Variants in IARS2 observed in about 807,000 individuals in gnomAD.
IARS2 encodes isoleucyl-tRNA synthetase 2, mitochondrial.
In IARS2, 56 loss-of-function variants were observed where a neutral mutation model predicts 126.3. The ratio of observed to expected loss-of-function variants is 0.44; its 90% CI spans 0.36 to 0.55. The LOEUF is 0.55. IARS2 is among the 20% of genes least tolerant of loss of function. The pLI is 0.00. For synonymous variants in IARS2, 407 were observed against 441.1 expected (o/e 0.92, Z 0.97); for missense variants, 1,127 against 1,245.9 (o/e 0.90, Z 1.44).
intron 19 of IARS2, among the ~76,000 whole-genome samples, chr1:220,141,130 G>A (rs1359371721): frequency 6.6e-6 from 1 of 152,012 alleles, no homozygotes; most frequent in Admixed American, 6.6e-5. Context: ...TACTTACCTC[G>A]TGATTGAGAA....
chr1:220,103,626 C>T, intron 8 of IARS2, 64 bp downstream of exon 8: 2 of 953,854 alleles, frequency 2.1e-6, no homozygotes, highest in Non-Finnish European at 3.4e-6. Context: ...GAATTTACTA[C>T]TTTGCTGAAC....
At chr1:220,098,743 T>C (rs1379626442) in intron 2 of IARS2, among the ~76,000 whole-genome samples, 1 of 152,166 alleles carries the variant, frequency 6.6e-6, no homozygotes, top group East Asian at 1.9e-4. Flanking sequence ...TGTTTGATAC[T>C]GAGGAGTTAG....
intron 8 of IARS2, among the ~76,000 whole-genome samples, chr1:220,104,488 A>T (rs1016157256): frequency 1.3e-5 from 2 of 152,040 alleles, no homozygotes; most frequent in South Asian, 4.1e-4. Context: ...GGCTCAAGTG[A>T]TCTTCCTGCC....
At chr1:220,120,374 G>C (rs963927472) in intron 12 of IARS2, among the ~76,000 whole-genome samples, 1 of 148,300 alleles carries the variant, frequency 6.7e-6, no homozygotes, top group Non-Finnish European at 1.5e-5. Context: ...GAACCACCGC[G>C]CCCGGCCTTT....
At chr1:220,118,555 T>C (rs1656974584) in intron 12 of IARS2, among the ~76,000 whole-genome samples, 1 of 152,112 alleles carries the variant, frequency 6.6e-6, no homozygotes, top group Admixed American at 6.6e-5. Context: ...GAAGAAATAA[T>C]TTTTAGCATA....
chr1:220,103,585 C>A, intron 8 of IARS2, 23 bp downstream of exon 8: 1 of 1,402,414 alleles, frequency 7.1e-7, no homozygotes, highest in Non-Finnish European at 1.0e-6. Flanking sequence ...AGATATCTGA[C>A]AACATAGTCA....
At chr1:220,106,652 G>T (rs1346785816) in intron 9 of IARS2, among the ~76,000 whole-genome samples, 3 of 148,342 alleles carry the variant, frequency 2.0e-5, no homozygotes, top group Non-Finnish European at 4.5e-5. Flanking sequence ...TTTTGAGAGG[G>T]AGTCTTGCTC....
chr1:220,105,947 C>T lies in IARS2; in HGVS notation c.1123C>T (p.Pro375Ser), dbSNP rs762652814. Residue 375 changes from proline (P) to serine (S), a missense_variant, in exon 9 of 23, where the codon CCT (proline) becomes TCT (serine). Coordinates refer to ENST00000366922, the MANE Select transcript of IARS2 (RefSeq NM_018060.4). ...TCCATTAATTCCTGATAAAGCCTCTCCTCTTTTACCTGCAAATCATGTGAC... is the reference window on the plus strand; with the variant it reads ...TCCATTAATTCCTGATAAAGCCTCTTCTCTTTTACCTGCAAATCATGTGAC... ...SHPLIPDKASPLLPANHVTMA... is the reference protein window; with the variant it reads ...SHPLIPDKASSLLPANHVTMA... The T allele has an allele frequency of 3.7e-6, 6 of 1,614,110 alleles. 1 individual carries two copies. The highest frequency in any genetic ancestry group is 3.3e-4 in the Middle Eastern group (2 of 6,062).
chr1:220,122,546 C>CACAAA lies in IARS2; in HGVS notation c.1641-2690_1641-2686dup, dbSNP rs1657070871. 2.0e-5 allele frequency among the ~76,000 whole-genome samples: 3 copies of CACAAA among 152,176 alleles called. No homozygotes were observed. In the East Asian group the frequency reaches 5.8e-4, roughly 29 times the overall value. On this transcript the variant is annotated intron_variant, in intron 12 of 22. Coordinates refer to ENST00000366922, the MANE Select transcript of IARS2 (RefSeq NM_018060.4). ...ACCAAACTATGTATGATTTAGGAAA[C>CACAAA]ACAAATTCAAGCCCTGGTTTTAACT... is the stretch of plus-strand genomic sequence containing the variant.
At chr1:220,114,518 T>C in intron 12 of IARS2, 44 bp downstream of exon 12, 3 of 1,474,980 alleles carry the variant, frequency 2.0e-6, no homozygotes, top group Middle Eastern at 1.8e-4. Flanking sequence ...AAGTGAAATA[T>C]TTTTTCTTCA....
At position 220,106,059 on chromosome 1, in the gene IARS2, T is replaced by C; in HGVS notation, c.1235T>C (p.Met412Thr). Residue 412 changes from methionine (M) to threonine (T), a missense_variant and splice_region_variant, in exon 9 of 23, where the codon ATG (methionine) becomes ACG (threonine). Coordinates refer to ENST00000366922, the MANE Select transcript of IARS2 (RefSeq NM_018060.4). ...GTAGCGTCTCAGCACAACCTGCCCA[T>C]GGTACTGTTCCTCTTTTATCATTTT... Reference protein sequence around the residue: ...YGVASQHNLPMDCLVDEDGVF... With the variant: ...YGVASQHNLPTDCLVDEDGVF... 1 of 1,610,372 alleles carries C rather than the reference T, an allele frequency of 6.2e-7. No individual in the cohort carries two copies. The highest frequency in any genetic ancestry group is 2.2e-5 in the East Asian group (1 of 44,834).
At chr1:220,113,144 C>T (rs931167908) in intron 11 of IARS2, among the ~76,000 whole-genome samples, 4 of 152,088 alleles carry the variant, frequency 2.6e-5, no homozygotes, top group Admixed American at 1.3e-4. Context: ...GGATTACAGA[C>T]GTGAGCCACC....
At chr1:220,133,998 G>C (rs1199807662) in intron 14 of IARS2, among the ~76,000 whole-genome samples, 4 of 150,800 alleles carry the variant, frequency 2.7e-5, no homozygotes, top group African/African-American at 9.7e-5. Context: ...ACATTTAACT[G>C]TCATGTCTCT....
chr1:220,101,708 A>G (rs1490133794), intron 3 of IARS2, among the ~76,000 whole-genome samples: 1 of 151,854 alleles, frequency 6.6e-6, no homozygotes, highest in Non-Finnish European at 1.5e-5. Context: ...CTCAAAAAAA[A>G]AAAATTTTGT....
At chr1:220,142,769 C>A (rs955245289) in intron 20 of IARS2, among the ~76,000 whole-genome samples, 175 bp from the exon 21 acceptor site, 1 of 151,818 alleles carries the variant, frequency 6.6e-6, no homozygotes, top group African/African-American at 2.4e-5. Flanking sequence ...CAAAGATTTT[C>A]CAATGCTGAT....
intron 10 of IARS2, among the ~76,000 whole-genome samples, chr1:220,108,637 G>A (rs1656730994): frequency 6.6e-6 from 1 of 151,784 alleles, no homozygotes; most frequent in Admixed American, 6.6e-5. Flanking sequence ...CACCTGCCTT[G>A]GCCTCCCAAA....
chr1:220,113,677 C>A (rs1007995945), intron 11 of IARS2, among the ~76,000 whole-genome samples: 1 of 142,776 alleles, frequency 7.0e-6, no homozygotes, highest in Non-Finnish European at 1.5e-5. Context: ...CAGGCTCTTG[C>A]TCTGTCGCCC....
chr1:220,141,937 C>G lies in IARS2; in HGVS notation c.2549C>G (p.Pro850Arg), dbSNP rs1358649912. 1.2e-6 allele frequency: 2 copies of G among 1,613,342 alleles called. No homozygotes were observed. Among genetic ancestry groups the G allele is most frequent in the Admixed American group, 3.3e-5 (2 of 59,862 alleles). ...GCTGAAGAGGTGTTCCAGCACATACCTTATATTAAAGGTAAGGAATACTTC... is the reference window on the plus strand; with the variant it reads ...GCTGAAGAGGTGTTCCAGCACATACGTTATATTAAAGGTAAGGAATACTTC... ...HLAEEVFQHIPYIKEPKSVFR... is the reference protein window; with the variant it reads ...HLAEEVFQHIRYIKEPKSVFR... Residue 850 changes from proline (P) to arginine (R), a missense_variant, in exon 20 of 23, where the codon CCT becomes CGT. Physicochemically the swap from Pro to Arg is moderately radical, Grantham distance 103. Coordinates refer to ENST00000366922, the MANE Select transcript of IARS2 (RefSeq NM_018060.4).
intron 19 of IARS2, 55 bp from the exon 20 acceptor site, chr1:220,141,748 G>A (rs900906984): frequency 2.8e-5 from 44 of 1,574,380 alleles, no homozygotes; most frequent in Non-Finnish European, 3.8e-5. Context: ...GTCCCATCTA[G>A]GTGACCATAA....
Sources: allele counts gnomAD v4.1 joint callset (sites outside exome capture counted in the v4.1 genomes callset), GRCh38; gene constraint gnomAD v4.1.1; transcripts MANE v1.5; gene names NCBI Gene and HGNC (gene_info 2026-07-23, HGNC 2026-07-21).